The following INPP5A variants were observed in gnomAD, a reference collection of about 807,000 sequenced individuals.
INPP5A encodes inositol polyphosphate-5-phosphatase A.
In INPP5A, 14 loss-of-function variants were observed where a neutral mutation model predicts 65.2. That is an observed-to-expected ratio of 0.21 (90% confidence interval 0.14 to 0.34). The LOEUF (loss-of-function observed/expected upper bound fraction) is 0.34, where lower values mean the gene tolerates loss of function less well. INPP5A is among the 10% of genes least tolerant of loss of function. The pLI is 1.00. For missense variants in INPP5A, 431 were observed against 545.6 expected, an observed-to-expected ratio of 0.79 and a Z score of 2.09; for synonymous variants, 207 against 208.3, an observed-to-expected ratio of 0.99 and a Z score of 0.05.
At chr10:132,739,684 C>T (rs1254417066) in intron 9 of INPP5A, among the ~76,000 whole-genome samples, 1 of 152,204 alleles carries the variant, frequency 6.6e-6, no homozygotes, top group Non-Finnish European at 1.5e-5. Flanking sequence ...AAGCTGCACA[C>T]GTGTGTGCCA....
chr10:132,746,219 C>T (rs1272025392), intron 9 of INPP5A, among the ~76,000 whole-genome samples: 4 of 152,216 alleles, frequency 2.6e-5, no homozygotes, highest in African/African-American at 9.6e-5. Context: ...CTACAGCCAG[C>T]GAGGATTCAT....
chr10:132,712,483 CAT>C (rs1044748170), intron 8 of INPP5A, among the ~76,000 whole-genome samples: 43 of 138,786 alleles, frequency 3.1e-4, no homozygotes, highest in African/African-American at 9.1e-4. Flanking sequence ...TGTGTGGGTA[CAT>C]GTCTATTTGG....
At chr10:132,754,782 C>T (rs1160728742) in intron 11 of INPP5A, among the ~76,000 whole-genome samples, 1 of 152,212 alleles carries the variant, frequency 6.6e-6, no homozygotes, top group African/African-American at 2.4e-5. Context: ...CCTTGGGCAG[C>T]CCCAGCCTGC....
chr10:132,764,570 G>A (rs1846798542), intron 11 of INPP5A, among the ~76,000 whole-genome samples: 1 of 137,434 alleles, frequency 7.3e-6, no homozygotes, highest in Non-Finnish European at 1.5e-5. Context: ...CATGGTGACA[G>A]GAACACGGCC....
At chr10:132,594,486 T>A (rs2071659079) in intron 1 of INPP5A, among the ~76,000 whole-genome samples, 1 of 151,816 alleles carries the variant, frequency 6.6e-6, no homozygotes. Context: ...CCCACACGCA[T>A]AGGCATGTGG....
At chr10:132,638,934 T>G (rs990759285) in intron 2 of INPP5A, among the ~76,000 whole-genome samples, 1 of 152,180 alleles carries the variant, frequency 6.6e-6, no homozygotes, top group Non-Finnish European at 1.5e-5. Context: ...ATAAGTTACA[T>G]ATATATATGA....
In INPP5A at chr10:132,575,214, A is replaced by T. The variant is rs1174399957; in HGVS notation, c.76-32701A>T. ...TTTGCACCGGCCTGGACACATCGCA[A>T]CCCTGACCTGTGTGCTGAAGGGCGG... is the stretch of plus-strand genomic sequence containing the variant. On this transcript the variant is annotated intron_variant, in intron 1 of 15. Coordinates refer to ENST00000368594, the MANE Select transcript of INPP5A (RefSeq NM_005539.5). The surrounding 1 kb of genome is among the most constrained non-coding windows in gnomAD (Gnocchi z 5.4). Among the ~76,000 whole-genome samples, 2 of 152,060 alleles carry T rather than the reference A, an allele frequency of 1.3e-5. No individual in the cohort carries two copies. Among genetic ancestry groups the T allele is most frequent in the East Asian group, 3.9e-4 (2 of 5,182 alleles).
chr10:132,768,230 C>T (rs1056580125), intron 12 of INPP5A, among the ~76,000 whole-genome samples: 4 of 150,050 alleles, frequency 2.7e-5, no homozygotes, highest in African/African-American at 9.9e-5. Context: ...GGACCCCGAC[C>T]CTCAGCGTTC....
intron 1 of INPP5A, among the ~76,000 whole-genome samples, chr10:132,605,659 C>G (rs1009778389): frequency 6.6e-6 from 1 of 152,096 alleles, no homozygotes; most frequent in Non-Finnish European, 1.5e-5. Flanking sequence ...CGCAGCAGCG[C>G]CACGCGGGCC....
intron 4 of INPP5A, among the ~76,000 whole-genome samples, chr10:132,685,979 G>A (rs933041364): frequency 6.6e-6 from 1 of 152,246 alleles, no homozygotes; most frequent in Non-Finnish European, 1.5e-5. Context: ...GCCCCTGTGA[G>A]AGGCACTGAG....
At position 132,550,483 on chromosome 10, in the gene INPP5A, G is replaced by A. The variant is rs546287525; in HGVS notation, c.75+12312G>A. Reference sequence around the variant, plus strand: ...TGCACCTCACCACACCTGGAGCAGCGCCCGTGAGAGGAGGGAAGCGACACC... The same window carrying A: ...TGCACCTCACCACACCTGGAGCAGCACCCGTGAGAGGAGGGAAGCGACACC... On this transcript the variant is annotated intron_variant, in intron 1 of 15. Coordinates refer to ENST00000368594, the MANE Select transcript of INPP5A (RefSeq NM_005539.5). This position sits in a 1 kb window ranked among gnomAD's most constrained non-coding sequence, Gnocchi z 4.2. 1.1e-3 allele frequency among the ~76,000 whole-genome samples: 165 copies of A among 152,322 alleles called. 1 individual carries two copies. Among genetic ancestry groups the A allele is most frequent in the African/African-American group, 3.8e-3 (157 of 41,558 alleles).
chr10:132,779,083 A>G (rs943893442), intron 13 of INPP5A, among the ~76,000 whole-genome samples: 2 of 152,234 alleles, frequency 1.3e-5, no homozygotes, highest in African/African-American at 4.8e-5. Flanking sequence ...CCCCTTGGCC[A>G]GAAGTCCCTG....
At chr10:132,770,349 C>T (rs1351380844) in intron 12 of INPP5A, among the ~76,000 whole-genome samples, 1 of 152,252 alleles carries the variant, frequency 6.6e-6, no homozygotes, top group Non-Finnish European at 1.5e-5. Context: ...GGGGGCACTG[C>T]GTTTCCTCGC....
intron 8 of INPP5A, 60 bp from the exon 9 acceptor site, chr10:132,726,756 GGGGCC>G (rs1476093210): frequency 8.8e-7 from 1 of 1,135,110 alleles, no homozygotes; most frequent in Admixed American, 1.9e-5. Flanking sequence ...GAGGAGCACC[GGGGCC>G]GGGCATGAGG....
At chr10:132,781,363 T>A (rs1847158334) in intron 14 of INPP5A, among the ~76,000 whole-genome samples, 1 of 152,182 alleles carries the variant, frequency 6.6e-6, no homozygotes, top group African/African-American at 2.4e-5. Context: ...ACAGATCGTT[T>A]ATTCAGGCAA....
Position 132,674,655 on chromosome 10 carries a change from C to T in INPP5A, c.307-15737C>T, listed in dbSNP as rs986604846. On this transcript the variant is annotated intron_variant, in intron 4 of 15. Coordinates refer to ENST00000368594, the MANE Select transcript of INPP5A (RefSeq NM_005539.5). This position sits in a 1 kb window ranked among gnomAD's most constrained non-coding sequence, Gnocchi z 4.4. ...GGACTTAATCAAGCCCAATCACATA[C>T]ATGCCACTTCCATTTGATGATGGAA... Among the ~76,000 whole-genome samples, 11 of 152,170 alleles carry T rather than the reference C, an allele frequency of 7.2e-5. No individual in the cohort carries two copies. The highest frequency in any genetic ancestry group is 2.7e-4 in the African/African-American group (11 of 41,434).
Position 132,675,053 on chromosome 10 carries a change from C to T in INPP5A, c.307-15339C>T, listed in dbSNP as rs750022834. The stretch of plus-strand genomic sequence containing the variant: ...TTGCAGAGCCTACTCCTCTTCTGGA[C>T]CCCCTCAGTCCTCCATACCCAAAGT... On this transcript the variant is annotated intron_variant, in intron 4 of 15. Transcript: ENST00000368594. The surrounding 1 kb of genome is among the most constrained non-coding windows in gnomAD (Gnocchi z 4.2). 4.3e-4 allele frequency among the ~76,000 whole-genome samples: 65 copies of T among 152,212 alleles called. No homozygotes were observed. The highest frequency in any genetic ancestry group is 7.5e-4 in the Non-Finnish European group (51 of 68,034).
intron 2 of INPP5A, among the ~76,000 whole-genome samples, chr10:132,631,191 C>A (rs191722132): frequency 6.6e-6 from 1 of 152,148 alleles, no homozygotes; most frequent in East Asian, 1.9e-4. Flanking sequence ...GTGTGCAGGG[C>A]GGAGAGAAGA....
chr10:132,540,941 T>C (rs2070898517), intron 1 of INPP5A, among the ~76,000 whole-genome samples: 1 of 152,210 alleles, frequency 6.6e-6, no homozygotes, highest in Non-Finnish European at 1.5e-5. Flanking sequence ...GGTGGTTTGC[T>C]TTTGCTTTTG....
Sources: allele counts gnomAD v4.1 joint callset (sites outside exome capture counted in the v4.1 genomes callset), GRCh38; gene constraint gnomAD v4.1.1; non-coding constraint Gnocchi (gnomAD v3.1); transcripts MANE v1.5; gene names NCBI Gene and HGNC (gene_info 2026-07-23, HGNC 2026-07-21).